Variants in NAALADL2 observed in about 807,000 individuals in gnomAD.
The protein encoded by NAALADL2 is inactive N-acetylated-alpha-linked acidic dipeptidase-like protein 2.
NAALADL2 carries 76 observed loss-of-function variants against 87.2 expected under a neutral mutation model. The ratio of observed to expected loss-of-function variants is 0.87; its 90% CI spans 0.72 to 1.05. NAALADL2 has a LOEUF of 1.05. Among genes scored for constraint, NAALADL2 ranks in the 50% least tolerant of loss-of-function variants. The probability of loss-of-function intolerance (pLI) is 0.00; values close to 1 mark genes in which losing one functional copy is unlikely to be tolerated. For synonymous variants in NAALADL2, 354 were observed against 331.0 expected, an observed-to-expected ratio of 1.07 and a Z score of -0.75; for missense variants, 1,089 against 945.8, an observed-to-expected ratio of 1.15 and a Z score of -1.99.
chr3:175,663,463 A>C (rs1467451728), intron 11 of NAALADL2, among the ~76,000 whole-genome samples: 1 of 151,692 alleles, frequency 6.6e-6, no homozygotes, highest in Admixed American at 6.6e-5. Flanking sequence ...GTCCTTGCTA[A>C]GAATTTGTTG....
At chr3:175,118,874 T>C (rs549092481) in intron 2 of NAALADL2, among the ~76,000 whole-genome samples, 1 of 151,880 alleles carries the variant, frequency 6.6e-6, no homozygotes, top group South Asian at 2.1e-4. Flanking sequence ...GGTACTCAGA[T>C]ATCTGTTTTG....
chr3:175,391,974 A>T (rs1346044553), intron 5 of NAALADL2, among the ~76,000 whole-genome samples: 1 of 152,102 alleles, frequency 6.6e-6, no homozygotes, highest in Non-Finnish European at 1.5e-5. Flanking sequence ...AATCATCGCA[A>T]CCTCCCTATG....
At chr3:174,743,806 A>AT (rs146825234) in intron 3 of NAALADL2, among the ~76,000 whole-genome samples, 65 of 151,176 alleles carry the variant, frequency 4.3e-4, no homozygotes, top group East Asian at 3.3e-3. Context: ...TAAAGAACAT[A>AT]TTTTTTTTTC....
At chr3:175,676,251 T>C (rs1484121152) in intron 11 of NAALADL2, 2 of 152,184 alleles carry the variant, frequency 1.3e-5, no homozygotes, top group Non-Finnish European at 2.9e-5. Context: ...ATATGCTTTA[T>C]AGTATTCAGC....
intron 2 of NAALADL2, among the ~76,000 whole-genome samples, chr3:174,728,371 T>A (rs1732400597): frequency 6.6e-6 from 1 of 151,984 alleles, no homozygotes; most frequent in Non-Finnish European, 1.5e-5. Flanking sequence ...AGGGCACTGA[T>A]AGTTGGAAGG....
intron 11 of NAALADL2, among the ~76,000 whole-genome samples, chr3:175,721,579 A>C (rs1230663793): frequency 6.6e-6 from 1 of 152,092 alleles, no homozygotes; most frequent in Non-Finnish European, 1.5e-5. Context: ...TAAGGTTTTT[A>C]AAATGAATAA....
In NAALADL2 at chr3:175,038,433, C is replaced by T. The variant is rs116791315; in HGVS notation, c.44-58357C>T. ...ATGACCAACATACTACCTATTTGCT[C>T]ACCCCTGGAGCAGTACACACAATTG... On this transcript the variant is annotated intron_variant, in intron 1 of 13. Transcript: ENST00000454872. Among the ~76,000 whole-genome samples the T allele has an allele frequency of 2.6e-3, 397 of 152,270 alleles. 1 individual carries two copies. Among genetic ancestry groups the T allele is most frequent in the African/African-American group, 8.8e-3 (366 of 41,560 alleles).
At chr3:175,795,394 A>G (rs1447545723) in intron 13 of NAALADL2, among the ~76,000 whole-genome samples, 2 of 151,898 alleles carry the variant, frequency 1.3e-5, no homozygotes, top group Admixed American at 6.6e-5. Context: ...TACTCTGTCA[A>G]TGGGCGCGAT....
At chr3:175,576,591 C>T (rs55639127) in intron 10 of NAALADL2, among the ~76,000 whole-genome samples, 309 of 152,264 alleles carry the variant, frequency 2.0e-3, no homozygotes, top group Non-Finnish European at 3.4e-3. Flanking sequence ...TGTGGATTAG[C>T]TACCCAAAGT....
intron 13 of NAALADL2, among the ~76,000 whole-genome samples, chr3:175,762,140 C>T (rs1482461719): frequency 1.4e-5 from 2 of 145,488 alleles, no homozygotes; most frequent in South Asian, 2.2e-4. Context: ...ACATTTAGGT[C>T]TATGATCCAT....
intron 4 of NAALADL2, among the ~76,000 whole-genome samples, chr3:175,302,398 A>T (rs1001332984): frequency 6.6e-6 from 1 of 152,110 alleles, no homozygotes; most frequent in African/African-American, 2.4e-5. Context: ...GGCTTAAGGG[A>T]TTTTACAATA....
chr3:175,743,435 A>G (rs140992721), intron 12 of NAALADL2, among the ~76,000 whole-genome samples: 6 of 152,364 alleles, frequency 3.9e-5, no homozygotes, highest in East Asian at 3.9e-4. Context: ...CATCACAGGC[A>G]TAGAACAGGC....
intron 13 of NAALADL2, among the ~76,000 whole-genome samples, chr3:175,769,503 T>C (rs1231499735): frequency 6.6e-6 from 1 of 152,200 alleles, no homozygotes; most frequent in Non-Finnish European, 1.5e-5. Context: ...TAATATCTCA[T>C]TATAGGTAGA....
chr3:175,721,721 A>G (rs574912202), intron 11 of NAALADL2, among the ~76,000 whole-genome samples: 2 of 152,196 alleles, frequency 1.3e-5, no homozygotes, highest in South Asian at 4.1e-4. Flanking sequence ...ATTTCTCTCT[A>G]GAGGTATAGA....
rs138319914 is a variant in NAALADL2 at position 174,881,893 on chromosome 3, A to G, written c.43+22443A>G. Among the ~76,000 whole-genome samples the G allele has an allele frequency of 2.4e-3, 363 of 152,162 alleles. 2 individuals carry two copies. The highest frequency in any genetic ancestry group is 8.4e-3 in the African/African-American group (349 of 41,528). ...GCAGTTTAACATATCTTGTAGATCT[A>G]CTGTTATGTTTTATTTCAGATGTTT... is the stretch of plus-strand genomic sequence containing the variant. On this transcript the variant is annotated intron_variant, in intron 1 of 13. Transcript: ENST00000454872.
chr3:174,695,936 G>T lies in NAALADL2; in HGVS notation c.-114-41705G>T, dbSNP rs547951416. Among the ~76,000 whole-genome samples, 799 of 152,068 alleles carry T rather than the reference G, an allele frequency of 5.3e-3. 11 individuals carry two copies. The highest frequency in any genetic ancestry group is 0.018 in the African/African-American group (753 of 41,520). Reference sequence around the variant, plus strand: ...TGTCAAAGGGCTAAGAGATAGTATTGACATTCAGTGATCCTGGTCTATGGA... The same window carrying T: ...TGTCAAAGGGCTAAGAGATAGTATTTACATTCAGTGATCCTGGTCTATGGA... On this transcript the variant is annotated intron_variant, in intron 2 of 3. Transcript: ENST00000434257.
intron 1 of NAALADL2, among the ~76,000 whole-genome samples, chr3:175,054,330 A>G (rs116583546): frequency 0.01 from 1,563 of 152,316 alleles, 24 homozygotes; most frequent in African/African-American, 0.036. Flanking sequence ...AGTCTTGCTC[A>G]TCTAAAGGGA....
At chr3:175,032,847 A>T (rs894455377) in intron 1 of NAALADL2, among the ~76,000 whole-genome samples, 24 of 151,960 alleles carry the variant, frequency 1.6e-4, no homozygotes, top group African/African-American at 5.8e-4. Flanking sequence ...TTTGGGCATA[A>T]AGTGGATGGA....
chr3:175,176,535 A>G (rs1411561055), intron 2 of NAALADL2, among the ~76,000 whole-genome samples: 1 of 152,160 alleles, frequency 6.6e-6, no homozygotes, highest in Non-Finnish European at 1.5e-5. Flanking sequence ...CTTGCATGGC[A>G]AATGAAATAT....
Sources: allele counts gnomAD v4.1 joint callset (sites outside exome capture counted in the v4.1 genomes callset), GRCh38; gene constraint gnomAD v4.1.1; transcripts MANE v1.5; gene names NCBI Gene and HGNC (gene_info 2026-07-23, HGNC 2026-07-21).